Variants in ROCK1 observed in about 807,000 individuals in gnomAD.
The protein encoded by ROCK1 is rho-associated protein kinase 1.
Under a neutral mutation model 196.8 loss-of-function variants are expected in ROCK1, and 36 were observed. That is an observed-to-expected ratio of 0.18 (90% CI 0.14 to 0.24). ROCK1 has a LOEUF of 0.24. Ranked by LOEUF, ROCK1 falls within the 10% of genes least tolerant of loss-of-function variation. ROCK1 has a pLI of 1.00. For synonymous variants in ROCK1, 443 were observed against 515.9 expected, an observed-to-expected ratio of 0.86 and a Z score of 1.91; for missense variants, 920 against 1,562.0, an observed-to-expected ratio of 0.59 and a Z score of 6.93.
At chr18:20,980,223 C>CCAT (rs2035518117) in intron 21 of ROCK1, among the ~76,000 whole-genome samples, 1 of 151,720 alleles carries the variant, frequency 6.6e-6, no homozygotes, top group Admixed American at 6.6e-5. Context: ...ACCCAGACAT[C>CCAT]CATCAATACA....
chr18:21,043,293 A>T (rs2036123759), intron 6 of ROCK1, among the ~76,000 whole-genome samples: 1 of 152,080 alleles, frequency 6.6e-6, no homozygotes, highest in African/African-American at 2.4e-5. Context: ...TAATAGTGTA[A>T]AGCACACTGA....
rs769231494 is a variant in ROCK1 at position 20,992,909 on chromosome 18, C to T, written c.1914G>A (p.Val638=). The T allele has an allele frequency of 1.1e-5, 18 of 1,611,874 alleles. No homozygotes were observed. Among genetic ancestry groups the T allele is most frequent in the African/African-American group, 4.0e-5 (3 of 74,862 alleles). The change falls in exon 17 of 33, where the codon GTG becomes GTA. Residue 638 remains valine (V), a synonymous_variant. Coordinates refer to ENST00000399799, the MANE Select transcript of ROCK1 (RefSeq NM_005406.3). ...TTTCGAGATTATGTTTGAGATGCTT[C>T]ACCTCCTCTTGTAAAGATGTAATTC... ...QARITSLQEE[V]KHLKHNLEKV...
At chr18:21,092,917 A>C (rs1158398509) in intron 1 of ROCK1, among the ~76,000 whole-genome samples, 1 of 152,182 alleles carries the variant, frequency 6.6e-6, no homozygotes, top group African/African-American at 2.4e-5. Context: ...GAGGTTTGGC[A>C]AACGGCTGGC....
In ROCK1 at chr18:20,959,075, A is replaced by AT. The variant is rs2035288554; in HGVS notation, c.3512+764_3512+765insA. Among the ~76,000 whole-genome samples, 8 of 45,258 alleles carry AT rather than the reference A, an allele frequency of 1.8e-4. 1 individual carries two copies. Among genetic ancestry groups the AT allele is most frequent in the African/African-American group, 1.0e-3 (8 of 7,690 alleles). 29.7% of individuals were successfully genotyped at this position (45,258 alleles called of 152,430 possible). ...ATATATATTATATTTTATATTATATAATATATATATTTTATATAATATATA... is the reference window on the plus strand; with the variant it reads ...ATATATATTATATTTTATATTATATATATATATATATTTTATATAATATATA... On this transcript the variant is annotated intron_variant, in intron 29 of 32. Transcript: ENST00000399799.
At chr18:21,010,846 T>C (rs891858868) in intron 13 of ROCK1, among the ~76,000 whole-genome samples, 4 of 152,220 alleles carry the variant, frequency 2.6e-5, no homozygotes, top group Non-Finnish European at 5.9e-5. Flanking sequence ...TTGCTTCACA[T>C]ACTTTGTAGC....
intron 27 of ROCK1, among the ~76,000 whole-genome samples, chr18:20,963,414 T>C (rs916143209): frequency 3.9e-5 from 6 of 152,040 alleles, no homozygotes; most frequent in African/African-American, 1.4e-4. Context: ...TCAAAAGTGA[T>C]ATAAAAAAGA....
At chr18:20,998,376 C>G (rs1358575504) in intron 16 of ROCK1, among the ~76,000 whole-genome samples, 1 of 152,012 alleles carries the variant, frequency 6.6e-6, no homozygotes, top group African/African-American at 2.4e-5. Flanking sequence ...CTTAATGATA[C>G]ATCTTAAAGA....
At position 21,017,442 on chromosome 18, in the gene ROCK1, G is replaced by A. The variant is rs537350061; in HGVS notation, c.1362-1963C>T. On this transcript the variant is annotated intron_variant, in intron 12 of 32. Coordinates refer to ENST00000399799, the MANE Select transcript of ROCK1 (RefSeq NM_005406.3). ...CCTGACCTTGTGATCCGCCTGCCTC[G>A]GCCTCCCAAAGTGCTGGGATTACAG... Among the ~76,000 whole-genome samples the A allele has an allele frequency of 2.4e-4, 36 of 151,154 alleles. No homozygotes were observed. The East Asian group carries it at 2.6e-3, about 11-fold the overall frequency.
intron 20 of ROCK1, 31 bp from the exon 21 acceptor site, chr18:20,982,863 A>C: frequency 9.6e-7 from 1 of 1,038,780 alleles, no homozygotes; most frequent in Non-Finnish European, 1.5e-6. Flanking sequence ...AAGTGAACAA[A>C]CGCTCCTACT....
At chr18:21,024,153 T>C (rs1292597258) in intron 10 of ROCK1, among the ~76,000 whole-genome samples, 6 of 152,218 alleles carry the variant, frequency 3.9e-5, no homozygotes, top group African/African-American at 1.4e-4. Flanking sequence ...CCAACTATCC[T>C]TCAGCAAAGC....
At chr18:21,081,242 T>C (rs1421867739) in intron 1 of ROCK1, among the ~76,000 whole-genome samples, 3 of 152,080 alleles carry the variant, frequency 2.0e-5, no homozygotes, top group Admixed American at 6.5e-5. Flanking sequence ...ACGTGGAAAT[T>C]AGACAATGAA....
At chr18:21,002,078 A>C (rs2035729984) in intron 16 of ROCK1, among the ~76,000 whole-genome samples, 1 of 152,148 alleles carries the variant, frequency 6.6e-6, no homozygotes, top group Non-Finnish European at 1.5e-5. Context: ...TCCTGATCAC[A>C]ATAAGAAATT....
chr18:21,062,884 A>T (rs1283124307), intron 2 of ROCK1, among the ~76,000 whole-genome samples: 5 of 152,084 alleles, frequency 3.3e-5, no homozygotes, highest in African/African-American at 1.2e-4. Flanking sequence ...CATATATAAC[A>T]AGTACTTACT....
At chr18:21,029,950 T>C (rs2035992237) in intron 9 of ROCK1, among the ~76,000 whole-genome samples, 1 of 152,134 alleles carries the variant, frequency 6.6e-6, no homozygotes, top group Non-Finnish European at 1.5e-5. Flanking sequence ...AGGAATCAAT[T>C]TTCTTTTCAA....
intron 1 of ROCK1, among the ~76,000 whole-genome samples, chr18:21,071,866 T>C (rs1412588670): frequency 6.6e-6 from 1 of 152,206 alleles, no homozygotes; most frequent in East Asian, 1.9e-4. Context: ...TTCTTTTTTG[T>C]AAAATGAGGG....
intron 26 of ROCK1, 117 bp from the exon 27 acceptor site, chr18:20,967,193 TGTTTGCTACCACA>T: frequency 1.5e-6 from 1 of 674,730 alleles, no homozygotes; most frequent in South Asian, 2.1e-5. Context: ...ACTTCATGAA[TGTTTGCTACCACA>T]GATTTTGATA....
chr18:21,068,549 T>A (rs1043846179), intron 2 of ROCK1, among the ~76,000 whole-genome samples: 4 of 152,206 alleles, frequency 2.6e-5, no homozygotes, highest in Admixed American at 1.3e-4. Context: ...ACTCTATAGA[T>A]CAATTAATTT....
intron 11 of ROCK1, among the ~76,000 whole-genome samples, chr18:21,020,738 C>G (rs568753490): frequency 6.6e-6 from 1 of 152,098 alleles, no homozygotes; most frequent in South Asian, 2.1e-4. Context: ...CTAGAATGAA[C>G]AATGAGCCCA....
intron 13 of ROCK1, among the ~76,000 whole-genome samples, chr18:21,013,299 T>C (rs900420606): frequency 3.3e-5 from 5 of 152,132 alleles, no homozygotes; most frequent in Non-Finnish European, 7.4e-5. Context: ...CCAGGTGGAG[T>C]TTGCAGAAGT....
Sources: allele counts gnomAD v4.1 joint callset (sites outside exome capture counted in the v4.1 genomes callset), GRCh38; gene constraint gnomAD v4.1.1; transcripts MANE v1.5; gene names NCBI Gene and HGNC (gene_info 2026-07-23, HGNC 2026-07-21).